CENPC: variants seen among roughly 807,000 people sequenced by gnomAD.
The protein encoded by CENPC is centromere protein C.
In CENPC, 63 loss-of-function variants were observed where a neutral mutation model predicts 112.1. The observed-to-expected ratio is 0.56, with a 90% CI of 0.46 to 0.69. The LOEUF (loss-of-function observed/expected upper bound fraction) is 0.69, where lower values mean the gene tolerates loss of function less well. Ranked by LOEUF, CENPC falls within the 30% of genes least tolerant of loss-of-function variation. CENPC has a pLI of 0.00. For missense variants in CENPC, 1,000 were observed against 1,103.8 expected, an observed-to-expected ratio of 0.91 and a Z score of 1.33; for synonymous variants, 333 against 367.6, an observed-to-expected ratio of 0.91 and a Z score of 1.08.
At chr4:67,482,527 A>T (rs1318113828) in intron 17 of CENPC, among the ~76,000 whole-genome samples, 4 of 152,258 alleles carry the variant, frequency 2.6e-5, no homozygotes, top group Admixed American at 2.6e-4. Flanking sequence ...CAAGTAGATA[A>T]TGTGGTATAC....
chr4:67,542,548 C>T (rs1481173753), intron 2 of CENPC, among the ~76,000 whole-genome samples: 2 of 152,164 alleles, frequency 1.3e-5, no homozygotes, highest in African/African-American at 4.8e-5. Flanking sequence ...TGCAGAAATA[C>T]ACTTAATTGG....
intron 5 of CENPC, among the ~76,000 whole-genome samples, chr4:67,528,543 C>T (rs1487287718): frequency 6.6e-6 from 1 of 152,146 alleles, no homozygotes; most frequent in Non-Finnish European, 1.5e-5. Flanking sequence ...ATTATAAATA[C>T]CTCATGTAAG....
intron 1 of CENPC, 36 bp from the exon 2 acceptor site, chr4:67,544,231 A>C (rs1726965230): frequency 3.3e-6 from 4 of 1,205,504 alleles, no homozygotes; most frequent in Non-Finnish European, 4.9e-6. Flanking sequence ...TGGTTTCTTT[A>C]AGATAGAGTC....
At chr4:67,476,984 T>C (rs1352689720) in intron 17 of CENPC, among the ~76,000 whole-genome samples, 1 of 152,038 alleles carries the variant, frequency 6.6e-6, no homozygotes, top group Non-Finnish European at 1.5e-5. Flanking sequence ...GGGAACCATA[T>C]TTTCATCCCC....
intron 14 of CENPC, among the ~76,000 whole-genome samples, chr4:67,493,228 C>A (rs1166820413): frequency 6.6e-6 from 1 of 150,988 alleles, no homozygotes; most frequent in East Asian, 1.9e-4. Context: ...GGTCCTATTG[C>A]TCCCCTGAAA....
chr4:67,503,370 T>C (rs1316043980), intron 12 of CENPC, among the ~76,000 whole-genome samples: 1 of 152,140 alleles, frequency 6.6e-6, no homozygotes, highest in African/African-American at 2.4e-5. Flanking sequence ...GCTCAAATGA[T>C]CACTTCCTTA....
At position 67,539,880 on chromosome 4, in the gene CENPC, C is replaced by T. The variant is rs1321406812; in HGVS notation, c.191G>A (p.Arg64His). The part of the protein sequence containing the change: ...NSTKSVPNST[R>H]KIKDTCIQSP... ...CTGAATACAAGTGTCTTTTATTTTG[C>T]GTGTTGAATTAGGCACTGATTTTGT... The change falls in exon 4 of 19, where the codon CGC (arginine) becomes CAC (histidine). Residue 64 changes from arginine (R) to histidine (H), a missense_variant. Coordinates refer to ENST00000273853, the MANE Select transcript of CENPC (RefSeq NM_001812.4). 6.5e-6 allele frequency: 10 copies of T among 1,534,140 alleles called. No individual in the cohort carries two copies. Among genetic ancestry groups the T allele is most frequent in the East Asian group, 2.4e-5 (1 of 41,096 alleles).
rs1180243586 is a variant in CENPC, at chr4:67,519,122, T to C, written c.617+95A>G. ...TAACATGTTAATATTCCTCCTTCCT[T>C]AGTGTAAAATAATATAACAAGATTG... On this transcript the variant is annotated intron_variant, in intron 6 of 18. Transcript: ENST00000273853. The C allele has an allele frequency of 8.3e-6, 7 of 840,310 alleles. No individual in the cohort carries two copies. In the East Asian group the frequency reaches 1.6e-4, roughly 20 times the overall value. The allele number at this position is 840,310 out of a possible 1,614,324, so 52.1% of individuals were successfully genotyped here.
At chr4:67,487,391 T>C (rs1725122907) in intron 17 of CENPC, among the ~76,000 whole-genome samples, 1 of 151,746 alleles carries the variant, frequency 6.6e-6, no homozygotes, top group Non-Finnish European at 1.5e-5. Flanking sequence ...ACTGAAGTTA[T>C]TCTTGTTAAT....
chr4:67,521,483 A>T (rs1421861684), intron 5 of CENPC, among the ~76,000 whole-genome samples: 3 of 152,194 alleles, frequency 2.0e-5, no homozygotes, highest in African/African-American at 7.2e-5. Flanking sequence ...CTACAATGAG[A>T]TACTACATCA....
In CENPC at chr4:67,530,917, G is replaced by C. The variant is rs765963379; in HGVS notation, c.232-3C>G. ...GACTTTGGATGTGATTTCTGGCACT[G>C]AGCACAGAAGAAATACAACATTAGA... On this transcript the variant is annotated splice_polypyrimidine_tract_variant and splice_region_variant and intron_variant, in intron 4 of 18. Coordinates refer to ENST00000273853, the MANE Select transcript of CENPC (RefSeq NM_001812.4). 2.7e-6 allele frequency: 4 copies of C among 1,489,366 alleles called. No homozygotes were observed. Among genetic ancestry groups the C allele is most frequent in the East Asian group, 4.6e-5 (2 of 43,206 alleles). 92.3% of individuals were successfully genotyped at this position (1,489,366 alleles called of 1,614,324 possible).
Position 67,544,203 on chromosome 4 carries a change from A to G in CENPC, c.19-8T>C, listed in dbSNP as rs761551155. 9.1e-6 allele frequency: 14 copies of G among 1,530,184 alleles called. No individual in the cohort carries two copies. Among genetic ancestry groups the G allele is most frequent in the African/African-American group, 8.2e-5 (6 of 73,118 alleles). The allele number at this position is 1,530,184 out of a possible 1,614,324, so 94.8% of individuals were successfully genotyped here. On this transcript the variant is annotated splice_region_variant and splice_polypyrimidine_tract_variant and intron_variant, in intron 1 of 18. Transcript: ENST00000273853. ...GCCATTTTTGAGATGATCCTGAAAG[A>G]AAAGTAAATCATCAATTTGGTTTCT...
intron 5 of CENPC, among the ~76,000 whole-genome samples, chr4:67,524,529 T>C (rs948567423): frequency 6.6e-6 from 1 of 152,080 alleles, no homozygotes; most frequent in African/African-American, 2.4e-5. Context: ...AGCATTCCTA[T>C]ACACCAATAA....
In CENPC at chr4:67,492,883, T is replaced by C. The variant is rs1725322021; in HGVS notation, c.2405A>G (p.Asp802Gly). 3 of 1,565,074 alleles carry C rather than the reference T, an allele frequency of 1.9e-6. No individual in the cohort carries two copies. The highest frequency in any genetic ancestry group is 1.7e-6 in the Non-Finnish European group (2 of 1,151,138). Residue 802 changes from aspartate (D) to glycine (G), a missense_variant, in exon 15 of 19, where the codon GAT becomes GGT. Physicochemically the swap from Asp to Gly is moderately conservative, Grantham distance 94. Transcript: ENST00000273853. ...TAAGTTCATACTTCTTTCATCGTTA[T>C]CAAGACAGATCCTTTTCTTATTAGA... ...KKSNKKRICLDNDERKTNLMV... is the reference protein window; with the variant it reads ...KKSNKKRICLGNDERKTNLMV...
At chr4:67,523,948 C>G (rs1378330824) in intron 5 of CENPC, among the ~76,000 whole-genome samples, 1 of 151,730 alleles carries the variant, frequency 6.6e-6, no homozygotes, top group East Asian at 1.9e-4. Flanking sequence ...AAATCTGCAA[C>G]AATCTGAATA....
rs547535135 is a variant in CENPC at position 67,490,676 on chromosome 4, T to C, written c.2516-555A>G. Among the ~76,000 whole-genome samples the C allele has an allele frequency of 2.4e-3, 366 of 151,778 alleles. 2 individuals carry two copies. Among genetic ancestry groups the C allele is most frequent in the African/African-American group, 8.3e-3 (345 of 41,494 alleles). ...AGTTTGTGAGAAAGCAGAGTTCTAA[T>C]GGTTGTTCATAAATTACTACCTCAC... On this transcript the variant is annotated intron_variant, in intron 16 of 18. Coordinates refer to ENST00000273853, the MANE Select transcript of CENPC (RefSeq NM_001812.4).
intron 12 of CENPC, among the ~76,000 whole-genome samples, chr4:67,504,595 G>A (rs1234445665): frequency 1.3e-5 from 2 of 152,134 alleles, no homozygotes; most frequent in Non-Finnish European, 2.9e-5. Context: ...GCTGAGGCAG[G>A]TGGATCACAA....
At chr4:67,492,345 A>G (rs1577978598) in intron 15 of CENPC, 70 bp from the exon 16 acceptor site, 1 of 934,596 alleles carries the variant, frequency 1.1e-6, no homozygotes, top group East Asian at 2.7e-5. Flanking sequence ...AAAGTTCAGT[A>G]CAAAATATAG....
At chr4:67,491,445 TCATATATATATATATATATA>T (rs1440315579) in intron 16 of CENPC, among the ~76,000 whole-genome samples, 2 of 64,180 alleles carry the variant, frequency 3.1e-5, no homozygotes, top group Admixed American at 4.8e-4. Context: ...TTTAAATATT[TCATATATATATATATATATA>T]TATATATATA....
Sources: gnomAD v4.1 joint callset for allele counts (sites outside exome capture counted in the v4.1 genomes callset) on GRCh38, gnomAD v4.1.1 for gene constraint, MANE v1.5 for transcripts, NCBI Gene and HGNC (gene_info 2026-07-23, HGNC 2026-07-21) for gene names.